The following SYNDIG1L variants were observed in gnomAD, a reference collection of about 807,000 sequenced individuals.
SYNDIG1L encodes synapse differentiation-inducing gene protein 1-like.
In SYNDIG1L, 13 loss-of-function variants were observed where a neutral mutation model predicts 20.1. That is an observed-to-expected ratio of 0.65 (90% CI 0.42 to 1.03). SYNDIG1L has a LOEUF of 1.03. Ranked by LOEUF, SYNDIG1L falls within the 50% of genes least tolerant of loss-of-function variation. SYNDIG1L has a pLI of 0.00. For synonymous variants in SYNDIG1L, 128 were observed against 129.3 expected (o/e 0.99, Z 0.07); for missense variants, 294 against 305.1 (o/e 0.96, Z 0.27).
chr14:74,416,526 T>C (rs1339006501), intron 1 of SYNDIG1L, among the ~76,000 whole-genome samples: 5 of 152,040 alleles, frequency 3.3e-5, no homozygotes, highest in Admixed American at 1.3e-4. Context: ...CTCAGCTACT[T>C]GGGAGGCCGA....
At chr14:74,432,140 GGTGTGTGTGTGT>G in the SYNDIG1L span, among the ~76,000 whole-genome samples, 1,442 of 121,076 alleles carry the variant, frequency 0.012, 49 homozygotes, top group East Asian at 0.14. Context: ...TGCCTTGGAA[GGTGTGTGTGTGT>G]GTGTGTGTGT....
chr14:74,469,892 T>C, the SYNDIG1L span, among the ~76,000 whole-genome samples: 2 of 152,194 alleles, frequency 1.3e-5, no homozygotes, highest in Non-Finnish European at 2.9e-5. Flanking sequence ...CTGCCAGCAA[T>C]TAATTTACAG....
the SYNDIG1L span, among the ~76,000 whole-genome samples, chr14:74,442,406 G>A: frequency 1.7e-4 from 26 of 152,170 alleles, no homozygotes; most frequent in African/African-American, 6.3e-4. Context: ...GAAGAATGAG[G>A]ATAGCTAACT....
the SYNDIG1L span, among the ~76,000 whole-genome samples, chr14:74,437,881 G>T: frequency 6.6e-6 from 1 of 152,058 alleles, no homozygotes. Flanking sequence ...CCTACTATAG[G>T]GCCCCCAAAC....
chr14:74,457,740 C>T, the SYNDIG1L span, among the ~76,000 whole-genome samples: 1 of 152,166 alleles, frequency 6.6e-6, no homozygotes. Context: ...TCTTGCCTCT[C>T]TCCAAAGCTT....
the SYNDIG1L span, among the ~76,000 whole-genome samples, chr14:74,450,065 G>A: frequency 1.3e-5 from 2 of 152,004 alleles, no homozygotes. Context: ...AAATTACAAA[G>A]ATAGTAAAGA....
At chr14:74,417,738 G>A (rs1381214935) in intron 1 of SYNDIG1L, among the ~76,000 whole-genome samples, 1 of 152,180 alleles carries the variant, frequency 6.6e-6, no homozygotes. Context: ...TATGTGATTG[G>A]TGGATATGGA....
At chr14:74,458,370 A>G in the SYNDIG1L span, among the ~76,000 whole-genome samples, 3 of 151,886 alleles carry the variant, frequency 2.0e-5, no homozygotes, top group Admixed American at 2.0e-4. Flanking sequence ...TAACCTCAGC[A>G]CTTTGGGAAG....
At chr14:74,457,715 C>A in the SYNDIG1L span, among the ~76,000 whole-genome samples, 2 of 152,026 alleles carry the variant, frequency 1.3e-5, no homozygotes, top group Non-Finnish European at 2.9e-5. Flanking sequence ...CGCTCCATTT[C>A]CCCTCCCAGG....
At chr14:74,462,183 G>A in the SYNDIG1L span, among the ~76,000 whole-genome samples, 4 of 151,198 alleles carry the variant, frequency 2.6e-5, no homozygotes, top group African/African-American at 7.3e-5. Context: ...TTCAAAGCAC[G>A]CTTAATGTAG....
intron 1 of SYNDIG1L, among the ~76,000 whole-genome samples, chr14:74,410,561 G>A (rs546885737): frequency 6.6e-6 from 1 of 152,248 alleles, no homozygotes; most frequent in Admixed American, 6.5e-5. Flanking sequence ...GACCCCATTA[G>A]GGGGCCTTTG....
At chr14:74,477,875 T>C in the SYNDIG1L span, among the ~76,000 whole-genome samples, 1 of 152,178 alleles carries the variant, frequency 6.6e-6, no homozygotes. Context: ...TAAGATTCAG[T>C]GCTTCTCAAT....
chr14:74,467,698 T>C, the SYNDIG1L span, among the ~76,000 whole-genome samples: 1 of 152,068 alleles, frequency 6.6e-6, no homozygotes, highest in Non-Finnish European at 1.5e-5. Flanking sequence ...TGAGGAGGGA[T>C]TGGGGGGAAG....
the SYNDIG1L span, among the ~76,000 whole-genome samples, chr14:74,463,212 C>A: frequency 0.094 from 14,298 of 152,208 alleles, 1,266 homozygotes; most frequent in African/African-American, 0.22. Context: ...CTGCAACACT[C>A]CACATTGGGC....
chr14:74,441,397 G>A, the SYNDIG1L span, among the ~76,000 whole-genome samples: 3 of 152,166 alleles, frequency 2.0e-5, no homozygotes, highest in African/African-American at 7.2e-5. Flanking sequence ...AGAATTCAGG[G>A]TGCAAAGCAT....
chr14:74,423,864 ATGG>A (rs762514753), intron 1 of SYNDIG1L, among the ~76,000 whole-genome samples: 35 of 146,298 alleles, frequency 2.4e-4, no homozygotes, highest in African/African-American at 6.5e-4. Flanking sequence ...CTCACAAGAG[ATGG>A]TGGTGGTGGT....
At chr14:74,433,497 C>T in the SYNDIG1L span, among the ~76,000 whole-genome samples, 4 of 152,038 alleles carry the variant, frequency 2.6e-5, no homozygotes, top group Admixed American at 6.6e-5. Context: ...GATTCTCGTG[C>T]CTCAGCCTCT....
intron 1 of SYNDIG1L, among the ~76,000 whole-genome samples, chr14:74,421,850 C>T (rs1449479311): frequency 6.6e-6 from 1 of 152,182 alleles, no homozygotes; most frequent in Non-Finnish European, 1.5e-5. Flanking sequence ...TTGGCTCCCA[C>T]GGGAGGTTTC....
the SYNDIG1L span, among the ~76,000 whole-genome samples, chr14:74,440,514 C>CACA: frequency 2.1e-5 from 1 of 48,502 alleles, no homozygotes; most frequent in Non-Finnish European, 3.5e-5. Flanking sequence ...GACTCCGTCT[C>CACA]ATAAAAAAAA....
Sources: gnomAD v4.1 joint callset for allele counts (sites outside exome capture counted in the v4.1 genomes callset) on GRCh38, gnomAD v4.1.1 for gene constraint, MANE v1.5 for transcripts, NCBI Gene and HGNC (gene_info 2026-07-23, HGNC 2026-07-21) for gene names.